Variants in PTPRD observed in about 807,000 individuals in gnomAD.
PTPRD encodes the protein receptor-type tyrosine-protein phosphatase delta.
PTPRD carries 34 observed loss-of-function variants against 214.5 expected under a neutral mutation model. The ratio of observed to expected loss-of-function variants is 0.16; its 90% CI spans 0.12 to 0.21. The LOEUF is 0.21. Among genes scored for constraint, PTPRD ranks in the 10% least tolerant of loss-of-function variants. The pLI is 1.00. For missense variants in PTPRD, 2,545 were observed against 2,398.7 expected (o/e 1.06, Z -1.27); for synonymous variants, 1,128 against 845.7 (o/e 1.33, Z -5.79).
chr9:8,422,224 A>G, intron 35 of PTPRD, among the ~76,000 whole-genome samples: 1 of 152,032 alleles, frequency 6.6e-6, no homozygotes, highest in South Asian at 2.1e-4. Context: ...TGATGAAGAA[A>G]AACATATAAA....
At chr9:9,445,583 C>A (rs2090107539) in intron 8 of PTPRD, among the ~76,000 whole-genome samples, 1 of 152,112 alleles carries the variant, frequency 6.6e-6, no homozygotes, top group Non-Finnish European at 1.5e-5. Flanking sequence ...TCCTTCTTCA[C>A]ATGGCAGCAG....
intron 3 of PTPRD, among the ~76,000 whole-genome samples, chr9:10,187,537 C>A (rs1279872806): frequency 6.6e-6 from 1 of 152,170 alleles, no homozygotes; most frequent in Non-Finnish European, 1.5e-5. Flanking sequence ...CTTGGCCTTT[C>A]GAATTCCTTC....
chr9:9,643,126 G>T (rs1176952069), intron 7 of PTPRD, among the ~76,000 whole-genome samples: 1 of 152,146 alleles, frequency 6.6e-6, no homozygotes, highest in East Asian at 1.9e-4. Flanking sequence ...TAAGAAATTT[G>T]CAATTTAACT....
At position 10,301,471 on chromosome 9, in the gene PTPRD, C is replaced by T. The variant is rs146250289; in HGVS notation, c.-545+39492G>A. 5.3e-3 allele frequency among the ~76,000 whole-genome samples: 800 copies of T among 152,178 alleles called. 9 individuals are homozygous for T. The highest frequency in any genetic ancestry group is 0.018 in the African/African-American group (750 of 41,512). On this transcript the variant is annotated intron_variant, in intron 3 of 45. Coordinates refer to ENST00000381196, the MANE Select transcript of PTPRD (RefSeq NM_002839.4). ...GAAGGTGGGTAATAACAAACTCCTC[C>T]GAGCTAAAGAGGCATGTTCTAACCC...
intron 2 of PTPRD, among the ~76,000 whole-genome samples, chr9:10,343,994 T>C (rs2097005146): frequency 2.1e-5 from 3 of 140,898 alleles, no homozygotes; most frequent in Admixed American, 7.0e-5. Context: ...TTTTTTTTTT[T>C]TTTTTTTTTT....
chr9:9,618,268 T>G (rs1449400875), intron 7 of PTPRD, among the ~76,000 whole-genome samples: 1 of 151,844 alleles, frequency 6.6e-6, no homozygotes, highest in African/African-American at 2.4e-5. Flanking sequence ...ATACTAACCC[T>G]TCCGGGAAGA....
intron 3 of PTPRD, among the ~76,000 whole-genome samples, chr9:10,225,207 T>A (rs1271014907): frequency 6.6e-6 from 1 of 151,866 alleles, no homozygotes; most frequent in Non-Finnish European, 1.5e-5. Flanking sequence ...TTTTAGTAGT[T>A]TATAGTAAAA....
At chr9:9,030,143 G>A (rs76965460) in intron 10 of PTPRD, among the ~76,000 whole-genome samples, 3,685 of 151,894 alleles carry the variant, frequency 0.024, 221 homozygotes, top group Admixed American at 0.12. Flanking sequence ...ATGAAAGGAT[G>A]TAGATGACAT....
rs144342543 is a variant in PTPRD, at chr9:9,449,004, C to T, written c.-236-51522G>A. On this transcript the variant is annotated intron_variant, in intron 8 of 45. Transcript: ENST00000381196. Reference sequence around the variant, plus strand: ...GAATTCCTATCTCCACTTTCAGCTTCGCAAAGCATGTCCCTTTATGGACCA... The same window carrying T: ...GAATTCCTATCTCCACTTTCAGCTTTGCAAAGCATGTCCCTTTATGGACCA... Among the ~76,000 whole-genome samples, 679 of 152,174 alleles carry T rather than the reference C, an allele frequency of 4.5e-3. 1 individual carries two copies. Among genetic ancestry groups the T allele is most frequent in the African/African-American group, 0.015 (607 of 41,538 alleles).
chr9:9,707,230 T>A (rs79315832), intron 7 of PTPRD, among the ~76,000 whole-genome samples: 1 of 152,160 alleles, frequency 6.6e-6, no homozygotes, highest in Admixed American at 6.6e-5. Context: ...AAATTATAAT[T>A]ATGGGTATTG....
In PTPRD at chr9:10,060,943, T is replaced by TCTTTCTTTCTCTCTCTTC. The variant is rs1555532014; in HGVS notation, c.-544-27171_-544-27154dup. 1.2e-3 allele frequency among the ~76,000 whole-genome samples: 167 copies of TCTTTCTTTCTCTCTCTTC among 142,768 alleles called. 6 individuals carry two copies. Among genetic ancestry groups the TCTTTCTTTCTCTCTCTTC allele is most frequent in the Non-Finnish European group, 1.9e-3 (126 of 67,016 alleles). 93.7% of individuals were successfully genotyped at this position (142,768 alleles called of 152,430 possible). A position where few individuals can be genotyped will look rare whatever the true frequency, so the allele number is the denominator to read the frequency against. On this transcript the variant is annotated intron_variant, in intron 3 of 45. Transcript: ENST00000381196. ...TTCTTTCTTTCTTTCTTTCTTTCTT[T>TCTTTCTTTCTCTCTCTTC]CTTTCTTTCTCTCTCTTCCTTTCTT...
rs1281059382 is a variant in PTPRD, at chr9:10,013,003, ATC to A, written c.-472+20713_-472+20714del. On this transcript the variant is annotated intron_variant, in intron 4 of 45. Coordinates refer to ENST00000381196, the MANE Select transcript of PTPRD (RefSeq NM_002839.4). ...CAATATTTTAATAATCATTTCCATGATCTGTTAGAAAAGCATATCCGCTAGAG... is the reference window on the plus strand; with the variant it reads ...CAATATTTTAATAATCATTTCCATGATGTTAGAAAAGCATATCCGCTAGAG... Among the ~76,000 whole-genome samples the A allele has an allele frequency of 4.6e-5, 7 of 152,116 alleles. No individual in the cohort carries two copies. The East Asian group carries it at 1.3e-3, about 29-fold the overall frequency.
At chr9:10,009,729 G>T (rs970949936) in intron 4 of PTPRD, among the ~76,000 whole-genome samples, 2 of 151,922 alleles carry the variant, frequency 1.3e-5, no homozygotes, top group Admixed American at 1.3e-4. Context: ...CTCCCGCAAA[G>T]GACAGCTTTG....
intron 9 of PTPRD, among the ~76,000 whole-genome samples, chr9:9,240,426 A>T (rs1366343947): frequency 2.0e-5 from 3 of 152,162 alleles, no homozygotes; most frequent in Admixed American, 6.6e-5. Flanking sequence ...TAATCCCAGC[A>T]CTTTGGGAGG....
At chr9:8,896,650 T>G (rs1051300395) in intron 11 of PTPRD, among the ~76,000 whole-genome samples, 37 of 152,330 alleles carry the variant, frequency 2.4e-4, no homozygotes, top group Admixed American at 8.5e-4. Context: ...TGAGATAATA[T>G]CATCCCATAG....
chr9:8,467,757 TTTC>T (rs2096572187), intron 31 of PTPRD, among the ~76,000 whole-genome samples: 1 of 151,458 alleles, frequency 6.6e-6, no homozygotes, highest in Non-Finnish European at 1.5e-5. Flanking sequence ...TTATTTCTTT[TTTC>T]TTGATTCTTT....
chr9:9,646,672 A>G (rs2096190527), intron 7 of PTPRD, among the ~76,000 whole-genome samples: 1 of 152,032 alleles, frequency 6.6e-6, no homozygotes, highest in South Asian at 2.1e-4. Flanking sequence ...TCTCTTATCC[A>G]CAGGGCGTAC....
At chr9:8,536,050 G>A (rs1194859453) in intron 14 of PTPRD, among the ~76,000 whole-genome samples, 2 of 151,496 alleles carry the variant, frequency 1.3e-5, no homozygotes, top group African/African-American at 4.9e-5. Context: ...AATAAGGATG[G>A]TATCATTATC....
At chr9:8,898,520 A>G (rs922891407) in intron 11 of PTPRD, among the ~76,000 whole-genome samples, 1 of 152,222 alleles carries the variant, frequency 6.6e-6, no homozygotes, top group Admixed American at 6.5e-5. Context: ...CAAAATAATA[A>G]TGAGTTAATA....
Sources: gnomAD v4.1 joint callset for allele counts (sites outside exome capture counted in the v4.1 genomes callset) on GRCh38, gnomAD v4.1.1 for gene constraint, MANE v1.5 for transcripts, NCBI Gene and HGNC (gene_info 2026-07-23, HGNC 2026-07-21) for gene names.